Variants in CCDC40 observed in about 807,000 individuals in gnomAD.
CCDC40 encodes the protein coiled-coil domain-containing protein 40.
Under a neutral mutation model 124.5 loss-of-function variants are expected in CCDC40, and 104 were observed. The ratio of observed to expected loss-of-function variants is 0.84; its 90% CI spans 0.71 to 0.98. The LOEUF is 0.98. CCDC40 is among the 50% of genes least tolerant of loss of function. CCDC40 has a pLI of 0.00. For missense variants in CCDC40, 1,463 were observed against 1,503.9 expected (o/e 0.97, Z 0.45); for synonymous variants, 580 against 602.9 (o/e 0.96, Z 0.56).
In CCDC40 at chr17:80,090,387, A is replaced by AG. The variant is rs60807430; in HGVS notation, c.2832+504dup. 4,799 of 821,668 alleles carry AG rather than the reference A, an allele frequency of 5.8e-3. 1,172 individuals are homozygous for AG. The highest frequency in any genetic ancestry group is 7.0e-3 in the Non-Finnish European group (4,130 of 592,652). 50.9% of individuals were successfully genotyped at this position (821,668 alleles called of 1,614,324 possible). A position where few individuals can be genotyped will look rare whatever the true frequency, so the allele number is the denominator to read the frequency against. On this transcript the variant is annotated intron_variant, in intron 17 of 19. Transcript: ENST00000397545. ...ACGTGCACGAACACAGGACACACAC[A>AG]GCACGTGCATGAACAACACAGGACA...
intron 19 of CCDC40, 104 bp downstream of exon 19, chr17:80,097,507 G>A (rs2038832409): frequency 3.3e-6 from 4 of 1,217,774 alleles, no homozygotes; most frequent in Non-Finnish European, 3.5e-6. Context: ...CTCCTGATCA[G>A]GTCACGGCCT....
chr17:80,043,503 G>A (rs1236719022), intron 3 of CCDC40, among the ~76,000 whole-genome samples: 2 of 71,000 alleles, frequency 2.8e-5, no homozygotes, highest in African/African-American at 1.8e-4. Flanking sequence ...ACACCCCTGC[G>A]GCCGGCCTTG....
chr17:80,036,876 C>T (rs1044968221), intron 1 of CCDC40, 185 bp downstream of exon 1: 10 of 504,548 alleles, frequency 2.0e-5, no homozygotes, highest in Admixed American at 4.0e-5. Flanking sequence ...AGCCCCTCAC[C>T]CCCCCGCCAA....
Position 80,084,980 on chromosome 17 carries a change from G to A in CCDC40, c.2227G>A (p.Glu743Lys), listed in dbSNP as rs201166295. The change falls in exon 13 of 20, where the codon GAG becomes AAG. Residue 743 changes from glutamate to lysine, a missense_variant. Glu to Lys is a moderately conservative substitution (Grantham distance 56). Coordinates refer to ENST00000397545, the MANE Select transcript of CCDC40 (RefSeq NM_017950.4). The part of the protein sequence containing the change: ...LNKQLERMVS[E>K]LGGEEVGPLE... ...CAAGCAGCTGGAGCGGATGGTCTCC[G>A]AGCTGGGGGTGAGGTCCCAGGCAGG... 303 of 1,613,586 alleles carry A rather than the reference G, an allele frequency of 1.9e-4. 1 individual carries two copies. The Admixed American group carries it at 4.8e-3, about 25-fold the overall frequency.
At chr17:80,037,690 G>GATTATATATATATATATATATATATATAT (rs1555889146) in intron 1 of CCDC40, among the ~76,000 whole-genome samples, 1 of 92,084 alleles carries the variant, frequency 1.1e-5, no homozygotes, top group Non-Finnish European at 2.2e-5. Flanking sequence ...TTTTAAAAAA[G>GATTATATATATATATATATATATATATAT]ATATACATAT....
intron 10 of CCDC40, among the ~76,000 whole-genome samples, chr17:80,081,069 A>C (rs892501552): frequency 1.3e-5 from 2 of 152,180 alleles, no homozygotes; most frequent in African/African-American, 4.8e-5. Context: ...AATTTTTTAA[A>C]GATTTGGCTG....
At chr17:80,059,092 C>T (rs2037828684) in intron 9 of CCDC40, 112 bp downstream of exon 9, 5 of 1,365,162 alleles carry the variant, frequency 3.7e-6, no homozygotes, top group Non-Finnish European at 5.2e-6. Context: ...TGAGTGACTG[C>T]AGCCAGCTTA....
chr17:80,080,358 G>A (rs557994196), intron 10 of CCDC40, among the ~76,000 whole-genome samples: 1 of 152,320 alleles, frequency 6.6e-6, no homozygotes, highest in East Asian at 1.9e-4. Flanking sequence ...AGGCAAGATC[G>A]TGCCTCTGCA....
chr17:80,067,751 G>C, intron 10 of CCDC40: 1 of 1,496,464 alleles, frequency 6.7e-7, no homozygotes. Context: ...GGTCTAGCGG[G>C]TATTGCTAAG....
At chr17:80,098,374 G>A (rs988537267) in intron 19 of CCDC40, among the ~76,000 whole-genome samples, 10 of 152,246 alleles carry the variant, frequency 6.6e-5, no homozygotes, top group East Asian at 1.9e-4. Context: ...GCGGGCTCCC[G>A]CGCGCTCTAA....
intron 10 of CCDC40, among the ~76,000 whole-genome samples, chr17:80,071,041 C>T (rs560726049): frequency 2.0e-5 from 3 of 152,328 alleles, no homozygotes; most frequent in African/African-American, 7.2e-5. Flanking sequence ...GGCAATCCAA[C>T]GTGGGTCCCA....
intron 3 of CCDC40, among the ~76,000 whole-genome samples, chr17:80,046,716 C>G (rs1456292457): frequency 6.6e-6 from 1 of 152,146 alleles, no homozygotes; most frequent in African/African-American, 2.4e-5. Flanking sequence ...GCGGAAAAGC[C>G]TCGGCTCCTG....
At position 80,086,285 on chromosome 17, in the gene CCDC40, G is replaced by A; in HGVS notation, c.2449+69G>A. ...CTCTGGGACGTGGGCACCTCCCAGG[G>A]GAGGGGCACTCAGTGGGGCACGTCG... On this transcript the variant is annotated intron_variant, in intron 14 of 19. Coordinates refer to ENST00000397545, the MANE Select transcript of CCDC40 (RefSeq NM_017950.4). The surrounding 1 kb of genome is among the most constrained non-coding windows in gnomAD (Gnocchi z 5.5). 7.5e-7 allele frequency: 1 copy of A among 1,326,706 alleles called. No individual in the cohort carries two copies. Among genetic ancestry groups the A allele is most frequent in the Non-Finnish European group, 1.1e-6 (1 of 944,090 alleles). The allele number at this position is 1,326,706 out of a possible 1,614,324, so 82.2% of individuals were successfully genotyped here.
At position 80,058,392 on chromosome 17, in the gene CCDC40, A is replaced by G. The variant is rs2037805194; in HGVS notation, c.1160-102A>G. 3 of 1,070,586 alleles carry G rather than the reference A, an allele frequency of 2.8e-6. No individual in the cohort carries two copies. The highest frequency in any genetic ancestry group is 4.3e-6 in the Non-Finnish European group (3 of 705,696). 66.3% of individuals were successfully genotyped at this position (1,070,586 alleles called of 1,614,324 possible). A position where few individuals can be genotyped will look rare whatever the true frequency, so the allele number is the denominator to read the frequency against. On this transcript the variant is annotated intron_variant, in intron 7 of 19. Coordinates refer to ENST00000397545, the MANE Select transcript of CCDC40 (RefSeq NM_017950.4). The surrounding 1 kb of genome is among the most constrained non-coding windows in gnomAD (Gnocchi z 4.2). Reference sequence around the variant, plus strand: ...CCCAAAAATGGCAGGAAGGGTGCCCAGAACGGCTGTTCCCTGCTTCCTCCT... The same window carrying G: ...CCCAAAAATGGCAGGAAGGGTGCCCGGAACGGCTGTTCCCTGCTTCCTCCT...
intron 12 of CCDC40, among the ~76,000 whole-genome samples, chr17:80,084,329 C>T (rs906375997): frequency 7.2e-5 from 11 of 152,054 alleles, no homozygotes; most frequent in Admixed American, 3.3e-4. Flanking sequence ...AAGCAGGAAC[C>T]GTCAAACACA....
chr17:80,066,099 G>C lies in CCDC40; in HGVS notation c.1562+493G>C. On this transcript the variant is annotated intron_variant, in intron 10 of 19. Coordinates refer to ENST00000397545, the MANE Select transcript of CCDC40 (RefSeq NM_017950.4). This position sits in a 1 kb window ranked among gnomAD's most constrained non-coding sequence, Gnocchi z 4.4. The stretch of plus-strand genomic sequence containing the variant: ...TCAGGGCAGGGCGTTGGAGACACAG[G>C]TGCTGCCTTCATTCCTAAAACCACC... The C allele has an allele frequency of 1.4e-6, 1 of 702,980 alleles. No individual in the cohort carries two copies. The highest frequency in any genetic ancestry group is 1.5e-5 in the South Asian group (1 of 67,596). The allele number at this position is 702,980 out of a possible 1,614,324, so 43.5% of individuals were successfully genotyped here. A position where few individuals can be genotyped will look rare whatever the true frequency, so the allele number is the denominator to read the frequency against.
In CCDC40 at chr17:80,099,684, G is replaced by A. The variant is rs368814379; in HGVS notation, c.3338G>A (p.Arg1113His). Residue 1113 changes from arginine to histidine, a missense_variant, in exon 20 of 20, where the codon CGC becomes CAC. By Grantham distance (29) the Arg-to-His change is conservative. Coordinates refer to ENST00000397545, the MANE Select transcript of CCDC40 (RefSeq NM_017950.4). ...RLALIATILDRVRDEYPQFQE... is the reference protein window; with the variant it reads ...RLALIATILDHVRDEYPQFQE... ...GCTCTCATCGCCACCATCCTGGACCGCGTGCGGGACGAGTACCCCCAGTTC... is the reference window on the plus strand; with the variant it reads ...GCTCTCATCGCCACCATCCTGGACCACGTGCGGGACGAGTACCCCCAGTTC... 4.3e-6 allele frequency: 7 copies of A among 1,613,766 alleles called. No individual in the cohort carries two copies. Among genetic ancestry groups the A allele is most frequent in the African/African-American group, 4.0e-5 (3 of 74,922 alleles).
At chr17:80,067,079 A>G (rs2038064399) in intron 10 of CCDC40, 1 of 158,146 alleles carries the variant, frequency 6.3e-6, no homozygotes, top group African/African-American at 2.4e-5. Flanking sequence ...AGTCAAGGCC[A>G]GGTTCTCTCT....
chr17:80,074,427 G>C (rs574066289), intron 10 of CCDC40, among the ~76,000 whole-genome samples: 1 of 152,336 alleles, frequency 6.6e-6, no homozygotes, highest in Non-Finnish European at 1.5e-5. Context: ...GGAGGTTGCA[G>C]TGAGCCGAGA....
Sources: gnomAD v4.1 joint callset for allele counts (sites outside exome capture counted in the v4.1 genomes callset) on GRCh38, gnomAD v4.1.1 for gene constraint, Gnocchi (gnomAD v3.1) non-coding constraint, MANE v1.5 for transcripts, NCBI Gene and HGNC (gene_info 2026-07-23, HGNC 2026-07-21) for gene names.